The following ANO10 variants were observed in gnomAD, a reference collection of about 807,000 sequenced individuals.
ANO10 encodes the protein anoctamin-10.
A neutral mutation model predicts 74.7 loss-of-function variants in ANO10; 77 were observed. That is an observed-to-expected ratio of 1.03 (90% CI 0.86 to 1.25). The LOEUF is 1.25. Ranked by LOEUF, ANO10 falls within the 50% of genes most tolerant of loss-of-function variation. ANO10 has a pLI of 0.00. For missense variants in ANO10, 721 were observed against 778.1 expected (o/e 0.93, Z 0.87); for synonymous variants, 279 against 284.9 (o/e 0.98, Z 0.21).
At chr3:43,638,206 C>T (rs1324307982) in intron 1 of ANO10, among the ~76,000 whole-genome samples, 2 of 152,150 alleles carry the variant, frequency 1.3e-5, no homozygotes, top group African/African-American at 2.4e-5. Context: ...GGATAACCTT[C>T]GAACTTGCAT....
chr3:43,548,809 TG>T (rs530585089), intron 11 of ANO10, among the ~76,000 whole-genome samples: 11 of 152,362 alleles, frequency 7.2e-5, no homozygotes, highest in Admixed American at 6.5e-4. Context: ...CATTTACATT[TG>T]GTTAGTGCTT....
At chr3:43,462,902 A>C (rs965433989) in intron 11 of ANO10, among the ~76,000 whole-genome samples, 1 of 152,240 alleles carries the variant, frequency 6.6e-6, no homozygotes, top group African/African-American at 2.4e-5. Context: ...AGAGGGTGCA[A>C]GCCCCAAGCC....
At chr3:43,496,116 T>G (rs2076904418) in intron 11 of ANO10, among the ~76,000 whole-genome samples, 1 of 152,168 alleles carries the variant, frequency 6.6e-6, no homozygotes, top group African/African-American at 2.4e-5. Flanking sequence ...TTAAAAGTAG[T>G]GCCTACTCTT....
intron 4 of ANO10, among the ~76,000 whole-genome samples, chr3:43,587,341 G>A (rs1337070429): frequency 6.6e-6 from 1 of 152,164 alleles, no homozygotes; most frequent in Non-Finnish European, 1.5e-5. Flanking sequence ...AGAGATCTGG[G>A]CCACAGTCTA....
In ANO10 at chr3:43,389,996, C is replaced by T. The variant is rs368953103; in HGVS notation, c.1915-23022G>A. 6.6e-5 allele frequency among the ~76,000 whole-genome samples: 10 copies of T among 152,308 alleles called. No homozygotes were observed. In the East Asian group the frequency reaches 1.7e-3, roughly 26 times the overall value. On this transcript the variant is annotated intron_variant, in intron 12 of 12. Transcript: ENST00000292246. ...GAGGACAACTCTTTCCAAACAAAACCTTCATCAGGTACAAATGTGCATCAC... is the reference window on the plus strand; with the variant it reads ...GAGGACAACTCTTTCCAAACAAAACTTTCATCAGGTACAAATGTGCATCAC...
In ANO10 at chr3:43,567,787, C is replaced by A. The variant is rs1392900891; in HGVS notation, c.1219-2060G>T. On this transcript the variant is annotated intron_variant, in intron 7 of 12. Coordinates refer to ENST00000292246, the MANE Select transcript of ANO10 (RefSeq NM_018075.5). ...GAAACTGCATCAACTAACGAGCAAA[C>A]TAACCAGCTAACATCATAATGACAG... is the stretch of plus-strand genomic sequence containing the variant. Among the ~76,000 whole-genome samples, 7 of 151,560 alleles carry A rather than the reference C, an allele frequency of 4.6e-5. 1 individual carries two copies. The highest frequency in any genetic ancestry group is 2.1e-4 in the South Asian group (1 of 4,764).
intron 11 of ANO10, among the ~76,000 whole-genome samples, chr3:43,489,800 G>A (rs1300709963): frequency 1.3e-5 from 2 of 151,408 alleles, no homozygotes; most frequent in Admixed American, 6.6e-5. Flanking sequence ...TCTTTGCCTG[G>A]TGAAAAAAAC....
At chr3:43,638,035 T>C (rs1388105967) in intron 1 of ANO10, among the ~76,000 whole-genome samples, 3 of 152,198 alleles carry the variant, frequency 2.0e-5, no homozygotes, top group South Asian at 2.1e-4. Flanking sequence ...GCAGATTAAA[T>C]TGAGATACGT....
chr3:43,549,802 G>T lies in ANO10; in HGVS notation c.1715C>A (p.Ala572Glu), dbSNP rs759026322. Residue 572 changes from alanine (A) to glutamate (E), a missense_variant, in exon 11 of 13, where the codon GCG (alanine) becomes GAG (glutamate). By Grantham distance (107) the Ala-to-Glu change is moderately radical. Coordinates refer to ENST00000292246, the MANE Select transcript of ANO10 (RefSeq NM_018075.5). ...CACTTGTGGTGACATTCCAATCAGC[G>T]CACAGTTAGTGACCACAGATATAAC... ...MSVISVVTNC[A>E]LIGMSPQVNA... 14 of 1,613,702 alleles carry T rather than the reference G, an allele frequency of 8.7e-6. No individual in the cohort carries two copies. Among genetic ancestry groups the T allele is most frequent in the Non-Finnish European group, 1.7e-6 (2 of 1,179,804 alleles).
intron 12 of ANO10, among the ~76,000 whole-genome samples, chr3:43,416,083 T>C (rs1387106549): frequency 6.6e-6 from 1 of 151,986 alleles, no homozygotes; most frequent in Non-Finnish European, 1.5e-5. Context: ...ATTTCTCACA[T>C]ATGAAAGTAG....
At chr3:43,568,278 A>C (rs1277822853) in intron 7 of ANO10, among the ~76,000 whole-genome samples, 1 of 152,048 alleles carries the variant, frequency 6.6e-6, no homozygotes, top group Non-Finnish European at 1.5e-5. Context: ...CAGATCAACG[A>C]GACAGAAAGT....
In ANO10 at chr3:43,555,273, A is replaced by G; in HGVS notation, c.1668+5T>C. 1 of 1,613,810 alleles carries G rather than the reference A, an allele frequency of 6.2e-7. No homozygotes were observed. Among genetic ancestry groups the G allele is most frequent in the Non-Finnish European group, 8.5e-7 (1 of 1,179,794 alleles). ...AAAGGAATAATTTTTTTCTCAAACAATTACCTGCCACACACCAATATTGGC... is the reference window on the plus strand; with the variant it reads ...AAAGGAATAATTTTTTTCTCAAACAGTTACCTGCCACACACCAATATTGGC... On this transcript the variant is annotated splice_donor_5th_base_variant and intron_variant, in intron 10 of 12. Coordinates refer to ENST00000292246, the MANE Select transcript of ANO10 (RefSeq NM_018075.5).
intron 1 of ANO10, among the ~76,000 whole-genome samples, chr3:43,630,294 T>A (rs1240089867): frequency 6.6e-6 from 1 of 152,200 alleles, no homozygotes; most frequent in Non-Finnish European, 1.5e-5. Context: ...TAAAATCATT[T>A]GTGAATAAAG....
chr3:43,371,279 A>G (rs192905244), intron 12 of ANO10, among the ~76,000 whole-genome samples: 39 of 152,220 alleles, frequency 2.6e-4, no homozygotes, highest in East Asian at 2.3e-3. Context: ...CTCACCGTCC[A>G]TGTCCTCTGA....
At chr3:43,594,796 A>C in intron 4 of ANO10, among the ~76,000 whole-genome samples, 1 of 152,140 alleles carries the variant, frequency 6.6e-6, no homozygotes, top group East Asian at 1.9e-4. Flanking sequence ...GACACAAAAA[A>C]CCCTTCAAAA....
rs912846480 is a variant in ANO10 at position 43,547,173 on chromosome 3, T to C, written c.1797+2547A>G. ...ATATGCTGAAAGAAAAAGACTATCATCCATGAATTCTATGTCCAGCAAAAC... is the reference window on the plus strand; with the variant it reads ...ATATGCTGAAAGAAAAAGACTATCACCCATGAATTCTATGTCCAGCAAAAC... On this transcript the variant is annotated intron_variant, in intron 11 of 12. Transcript: ENST00000292246. 5.9e-5 allele frequency among the ~76,000 whole-genome samples: 9 copies of C among 152,168 alleles called. No individual in the cohort carries two copies. The East Asian group carries it at 7.7e-4, about 13-fold the overall frequency.
At chr3:43,527,430 C>T (rs913322696) in intron 11 of ANO10, among the ~76,000 whole-genome samples, 3 of 151,958 alleles carry the variant, frequency 2.0e-5, no homozygotes, top group African/African-American at 7.3e-5. Context: ...TTTAAATTGC[C>T]TGAACACACC....
chr3:43,614,801 A>ATATATATAAATG (rs61457264), intron 1 of ANO10, among the ~76,000 whole-genome samples: 1 of 99,386 alleles, frequency 1.0e-5, no homozygotes, highest in African/African-American at 3.2e-5. Flanking sequence ...ATATATATAT[A>ATATATATAAATG]TAGGTTCATT....
At chr3:43,535,275 T>TC (rs1315184049) in intron 11 of ANO10, among the ~76,000 whole-genome samples, 1 of 148,510 alleles carries the variant, frequency 6.7e-6, no homozygotes, top group African/African-American at 2.5e-5. Flanking sequence ...TTCTTTTTTT[T>TC]TTTTTTTTTT....
Sources: allele counts gnomAD v4.1 joint callset (sites outside exome capture counted in the v4.1 genomes callset), GRCh38; gene constraint gnomAD v4.1.1; transcripts MANE v1.5; gene names NCBI Gene and HGNC (gene_info 2026-07-23, HGNC 2026-07-21).